Variants in HLA-DPB1 observed in about 807,000 individuals in gnomAD.
The protein encoded by HLA-DPB1 is major histocompatibility complex, class II, DP beta 1.
In HLA-DPB1, 30 loss-of-function variants were observed where a neutral mutation model predicts 29.4. The observed-to-expected ratio is 1.02, with a 90% CI of 0.76 to 1.38. The LOEUF is 1.38. Ranked by LOEUF, HLA-DPB1 falls within the 40% of genes most tolerant of loss-of-function variation. HLA-DPB1 has a pLI of 0.00. For synonymous variants in HLA-DPB1, 114 were observed against 134.0 expected, an observed-to-expected ratio of 0.85 and a Z score of 1.03; for missense variants, 261 against 327.5, an observed-to-expected ratio of 0.80 and a Z score of 1.57.
At chr6:33,077,850 C>A (rs1762624804) in intron 1 of HLA-DPB1, among the ~76,000 whole-genome samples, 1 of 152,078 alleles carries the variant, frequency 6.6e-6, no homozygotes, top group East Asian at 1.9e-4. Context: ...GAATACAGCC[C>A]CTCAAGCCCT....
intron 2 of HLA-DPB1, among the ~76,000 whole-genome samples, chr6:33,084,520 C>T (rs1285414348): frequency 6.6e-6 from 1 of 152,134 alleles, no homozygotes; most frequent in African/African-American, 2.4e-5. Context: ...TGCAGTGGCT[C>T]AGGCCCGTAA....
In HLA-DPB1 at chr6:33,086,623, T is replaced by A; in HGVS notation, c.*89T>A. 1 of 492,968 alleles carries A rather than the reference T, an allele frequency of 2.0e-6. No homozygotes were observed. The highest frequency in any genetic ancestry group is 4.0e-6 in the Non-Finnish European group (1 of 252,342). The allele number at this position is 492,968 out of a possible 1,614,324, so 30.5% of individuals were successfully genotyped here. A position where few individuals can be genotyped will look rare whatever the true frequency, so the allele number is the denominator to read the frequency against. ...TTAGCATCTGGCTCCAGGACAGACCTTCAACTTCCAAATTGGATACTGCTG... is the reference window on the plus strand; with the variant it reads ...TTAGCATCTGGCTCCAGGACAGACCATCAACTTCCAAATTGGATACTGCTG... On this transcript the variant is annotated 3_prime_UTR_variant, in exon 6 of 6. Transcript: ENST00000418931.
intron 3 of HLA-DPB1, among the ~76,000 whole-genome samples, chr6:33,085,526 C>A (rs1453818086): frequency 6.6e-6 from 1 of 152,206 alleles, no homozygotes; most frequent in African/African-American, 2.4e-5. Flanking sequence ...GAACAGTTCT[C>A]TTCCTTCAGC....
rs41554314 is a variant in HLA-DPB1 at position 33,080,866 on chromosome 6, C to T, written c.295C>T (p.Arg99Trp). ...NSQKDILEEK[R>W]AVPDRMCRHN... ...CCAGAAGGACATCCTGGAGGAGAAG[C>T]GGGCAGTGCCGGACAGGATGTGCAG... is the stretch of plus-strand genomic sequence containing the variant. Residue 99 changes from arginine to tryptophan, a missense_variant, in exon 2 of 6, where the codon CGG (arginine) becomes TGG (tryptophan). Arg to Trp is a moderately radical substitution (Grantham distance 101, BLOSUM62 -3). Transcript: ENST00000418931. This position sits in a 1 kb window ranked among gnomAD's most constrained non-coding sequence, Gnocchi z 4.3. 4 of 1,613,040 alleles carry T rather than the reference C, an allele frequency of 2.5e-6. No homozygotes were observed. The highest frequency in any genetic ancestry group is 2.2e-5 in the South Asian group (2 of 91,056).
At position 33,088,408 on chromosome 6, in the gene HLA-DPB1, A is replaced by G. The variant is rs1331068210; in HGVS notation, c.*1874A>G. ...ACTTGTCAGGATCAGAAGCTGAGGTATCTGCACCCACATTACAGGAACAGG... is the reference window on the plus strand; with the variant it reads ...ACTTGTCAGGATCAGAAGCTGAGGTGTCTGCACCCACATTACAGGAACAGG... On this transcript the variant is annotated 3_prime_UTR_variant, in exon 6 of 6. Transcript: ENST00000418931. 6.6e-6 allele frequency among the ~76,000 whole-genome samples: 1 copy of G among 152,210 alleles called. No homozygotes were observed. The highest frequency in any genetic ancestry group is 1.9e-4 in the East Asian group (1 of 5,200).
Position 33,087,036 on chromosome 6 carries a change from C to G in HLA-DPB1, c.*502C>G, listed in dbSNP as rs1438205023. On this transcript the variant is annotated 3_prime_UTR_variant, in exon 6 of 6. Coordinates refer to ENST00000418931, the MANE Select transcript of HLA-DPB1 (RefSeq NM_002121.6). ...TCCATTTATGTCTCAGACCACTATT[C>G]TTAACTATTCAATGGTGAGCAGACT... The G allele has an allele frequency of 5.3e-6, 1 of 187,472 alleles. No individual in the cohort carries two copies. Among genetic ancestry groups the G allele is most frequent in the African/African-American group, 2.4e-5 (1 of 41,660 alleles). The allele number at this position is 187,472 out of a possible 1,614,324, so 11.6% of individuals were successfully genotyped here.
At position 33,089,455 on chromosome 6, in the gene HLA-DPB1, T is replaced by C. The variant is rs3128970; in HGVS notation, c.*2921T>C. On this transcript the variant is annotated 3_prime_UTR_variant, in exon 6 of 6. Transcript: ENST00000418931. The stretch of plus-strand genomic sequence containing the variant: ...TCTGCTCATCATCGTACTCAGGAAG[T>C]CAGGCTGACAGTCTTTCTCCTGCAC... 0.71 allele frequency among the ~76,000 whole-genome samples: 107,896 copies of C among 152,078 alleles called. 39,739 individuals are homozygous for C. Among genetic ancestry groups the C allele is most frequent in the East Asian group, 0.93 (4,826 of 5,186 alleles).
Position 33,080,431 on chromosome 6 carries a change from C to T in HLA-DPB1, c.101-241C>T. ...TCAGTGCTCGCCCCTCCCTAGTGATCACTCAGTGCCCCTGAGCTCATTCTT... is the reference window on the plus strand; with the variant it reads ...TCAGTGCTCGCCCCTCCCTAGTGATTACTCAGTGCCCCTGAGCTCATTCTT... On this transcript the variant is annotated intron_variant, in intron 1 of 5. Transcript: ENST00000418931. The surrounding 1 kb of genome is among the most constrained non-coding windows in gnomAD (Gnocchi z 4.3). The T allele has an allele frequency of 1.4e-6, 1 of 700,086 alleles. No homozygotes were observed. The highest frequency in any genetic ancestry group is 2.6e-6 in the Non-Finnish European group (1 of 379,098). 43.4% of individuals were successfully genotyped at this position (700,086 alleles called of 1,614,324 possible). A position where few individuals can be genotyped will look rare whatever the true frequency, so the allele number is the denominator to read the frequency against.
In HLA-DPB1 at chr6:33,085,162, C is replaced by G. The variant is rs747234343; in HGVS notation, c.577C>G (p.Gln193Glu). 11 of 1,613,704 alleles carry G rather than the reference C, an allele frequency of 6.8e-6. No individual in the cohort carries two copies. The highest frequency in any genetic ancestry group is 1.6e-4 in the Middle Eastern group (1 of 6,062). Residue 193 changes from glutamine to glutamate, a missense_variant, in exon 3 of 6, where the codon CAG (glutamine) becomes GAG (glutamate). Transcript: ENST00000418931. ...QILVMLEMTP[Q>E]QGDVYTCQVE... ...CCTGGTGATGCTGGAAATGACCCCC[C>G]AGCAGGGAGATGTCTACACCTGCCA...
rs1178908739 is a variant in HLA-DPB1 at position 33,087,391 on chromosome 6, CTT to C, written c.*861_*862del. Among the ~76,000 whole-genome samples the C allele has an allele frequency of 1.3e-5, 2 of 148,840 alleles. No individual in the cohort carries two copies. The highest frequency in any genetic ancestry group is 3.0e-5 in the Non-Finnish European group (2 of 67,602). ...AGAGCAAAGCAATACATGTAGCACT[CTT>C]TTTCAAACACTGGTCTTTTTTTTTT... On this transcript the variant is annotated 3_prime_UTR_variant, in exon 6 of 6. Coordinates refer to ENST00000418931, the MANE Select transcript of HLA-DPB1 (RefSeq NM_002121.6).
chr6:33,079,671 G>A, intron 1 of HLA-DPB1: 1 of 482,990 alleles, frequency 2.1e-6, no homozygotes, highest in Non-Finnish European at 4.1e-6. Context: ...CTGCCCAGTG[G>A]CTTCCAGAAG....
At chr6:33,079,433 C>T (rs1009118811) in intron 1 of HLA-DPB1, 6 of 230,644 alleles carry the variant, frequency 2.6e-5, no homozygotes, top group Non-Finnish European at 4.4e-5. Context: ...AGCTGGCAGC[C>T]ATCTCTTCCT....
At chr6:33,081,095 G>A (rs1006222348) in intron 2 of HLA-DPB1, 160 bp downstream of exon 2, 4 of 835,128 alleles carry the variant, frequency 4.8e-6, no homozygotes, top group Non-Finnish European at 7.2e-6. Context: ...CTTGTCAGGG[G>A]AGCGAGCGCG....
At position 33,080,782 on chromosome 6, in the gene HLA-DPB1, G is replaced by A. The variant is rs1157210281; in HGVS notation, c.211G>A (p.Val71Met). ...GGAGTTCGCGCGCTTCGACAGCGAC[G>A]TGGGGGAGTTCCGGGCGGTGACGGA... Reference protein sequence around the residue: ...REEFARFDSDVGEFRAVTELG... With the variant: ...REEFARFDSDMGEFRAVTELG... Residue 71 changes from valine to methionine, a missense_variant, in exon 2 of 6, where the codon GTG (valine) becomes ATG (methionine). Val to Met is a conservative substitution (Grantham distance 21, BLOSUM62 1). Coordinates refer to ENST00000418931, the MANE Select transcript of HLA-DPB1 (RefSeq NM_002121.6). This position sits in a 1 kb window ranked among gnomAD's most constrained non-coding sequence, Gnocchi z 4.3. 1.2e-6 allele frequency: 2 copies of A among 1,613,484 alleles called. No individual in the cohort carries two copies. The highest frequency in any genetic ancestry group is 3.3e-5 in the Admixed American group (2 of 59,962).
chr6:33,080,999 G>T lies in HLA-DPB1; in HGVS notation c.364+64G>T. The stretch of plus-strand genomic sequence containing the variant: ...CCGCGGGCCCGTGCCCAGGGCGCAG[G>T]AGCAGCCGGGTTGGCCTAAGGGACC... On this transcript the variant is annotated intron_variant, in intron 2 of 5. Coordinates refer to ENST00000418931, the MANE Select transcript of HLA-DPB1 (RefSeq NM_002121.6). This position sits in a 1 kb window ranked among gnomAD's most constrained non-coding sequence, Gnocchi z 4.3. 6.8e-7 allele frequency: 1 copy of T among 1,479,752 alleles called. No homozygotes were observed. The highest frequency in any genetic ancestry group is 2.4e-5 in the East Asian group (1 of 42,344). The allele number at this position is 1,479,752 out of a possible 1,614,324, so 91.7% of individuals were successfully genotyped here.
intron 3 of HLA-DPB1, 119 bp from the exon 4 acceptor site, chr6:33,085,659 CT>C: frequency 1.3e-6 from 1 of 745,484 alleles, no homozygotes; most frequent in South Asian, 1.5e-5. Context: ...TCTTAGCAAG[CT>C]TTTTCCGCTG....
Position 33,088,675 on chromosome 6 carries a change from GAGTC to G in HLA-DPB1, c.*2144_*2147del, listed in dbSNP as rs1478384806. Among the ~76,000 whole-genome samples the G allele has an allele frequency of 2.0e-5, 3 of 152,164 alleles. No homozygotes were observed. Among genetic ancestry groups the G allele is most frequent in the Non-Finnish European group, 4.4e-5 (3 of 68,036 alleles). ...TCAATATTGATAGAGTGTTTTCTAAGAGTCAGGCCCTTTGCTGAGTGCTATGTGC... is the reference window on the plus strand; with the variant it reads ...TCAATATTGATAGAGTGTTTTCTAAGAGGCCCTTTGCTGAGTGCTATGTGC... On this transcript the variant is annotated 3_prime_UTR_variant, in exon 6 of 6. Coordinates refer to ENST00000418931, the MANE Select transcript of HLA-DPB1 (RefSeq NM_002121.6).
At position 33,080,293 on chromosome 6, in the gene HLA-DPB1, G is replaced by A. The variant is rs1762766334; in HGVS notation, c.101-379G>A. ...TCAGTCAGGGAGTTAAGTAGGGGGA[G>A]CAGCTCCGCCCTCCACGTCCCCAGC... On this transcript the variant is annotated intron_variant, in intron 1 of 5. Transcript: ENST00000418931. This position sits in a 1 kb window ranked among gnomAD's most constrained non-coding sequence, Gnocchi z 4.3. 1 of 400,114 alleles carries A rather than the reference G, an allele frequency of 2.5e-6. No homozygotes were observed. The highest frequency in any genetic ancestry group is 3.3e-5 in the Admixed American group (1 of 30,100). The allele number at this position is 400,114 out of a possible 1,614,324, so 24.8% of individuals were successfully genotyped here.
At position 33,087,396 on chromosome 6, in the gene HLA-DPB1, T is replaced by G. The variant is rs1479588172; in HGVS notation, c.*862T>G. On this transcript the variant is annotated 3_prime_UTR_variant, in exon 6 of 6. Transcript: ENST00000418931. ...AAAGCAATACATGTAGCACTCTTTT[T>G]CAAACACTGGTCTTTTTTTTTTTCT... is the stretch of plus-strand genomic sequence containing the variant. Among the ~76,000 whole-genome samples, 1 of 147,736 alleles carries G rather than the reference T, an allele frequency of 6.8e-6. No homozygotes were observed. The highest frequency in any genetic ancestry group is 1.5e-5 in the Non-Finnish European group (1 of 67,312).
Sources: gnomAD v4.1 joint callset for allele counts (sites outside exome capture counted in the v4.1 genomes callset) on GRCh38, gnomAD v4.1.1 for gene constraint, Gnocchi (gnomAD v3.1) non-coding constraint, MANE v1.5 for transcripts, NCBI Gene and HGNC (gene_info 2026-07-23, HGNC 2026-07-21) for gene names.